The following LYG1 variants were observed in gnomAD, a reference collection of about 807,000 sequenced individuals.
LYG1 encodes lysozyme g1.
LYG1 carries 17 observed loss-of-function variants against 21.7 expected under a neutral mutation model. The ratio of observed to expected loss-of-function variants is 0.78; its 90% CI spans 0.54 to 1.18. The LOEUF (loss-of-function observed/expected upper bound fraction) is 1.18. Among genes scored for constraint, LYG1 ranks in the 50% most tolerant of loss-of-function variants. LYG1 has a pLI of 0.00. For synonymous variants in LYG1, 81 were observed against 87.4 expected (o/e 0.93, Z 0.41); for missense variants, 211 against 238.1 (o/e 0.89, Z 0.75).
Position 99,292,557 on chromosome 2 carries a change from G to A in LYG1, c.127C>T (p.Arg43Cys), listed in dbSNP as rs149258901. ...CTACCACAGTAGTTCAGGCCGTGAC[G>A]TCTTCCAATCCCACAAGATGCTCCA... ...TPGASCGIGR[R>C]HGLNYCGVRA... The change falls in exon 4 of 7, where the codon CGT (arginine) becomes TGT (cysteine). Residue 43 changes from arginine to cysteine, a missense_variant. By Grantham distance (180) the Arg-to-Cys change is radical (BLOSUM62 -3). Coordinates refer to ENST00000308528, the MANE Select transcript of LYG1 (RefSeq NM_174898.3). The A allele has an allele frequency of 2.7e-4, 440 of 1,613,912 alleles. 2 individuals carry two copies. The highest frequency in any genetic ancestry group is 1.4e-3 in the South Asian group (123 of 91,080).
upstream of LYG1, among the ~76,000 whole-genome samples, chr2:99,303,444 C>T (rs897124684): frequency 2.6e-5 from 4 of 152,096 alleles, no homozygotes; most frequent in Non-Finnish European, 5.9e-5. Flanking sequence ...TCCACAGAGA[C>T]GAAATGGCTT....
Position 99,297,902 on chromosome 2 carries a change from AATG to A in LYG1, c.-33+554_-33+556del, listed in dbSNP as rs567414917. Among the ~76,000 whole-genome samples the A allele has an allele frequency of 2.2e-4, 33 of 152,188 alleles. 1 individual carries two copies. The highest frequency in any genetic ancestry group is 1.9e-3 in the Admixed American group (29 of 15,280). On this transcript the variant is annotated intron_variant, in intron 2 of 6. Transcript: ENST00000308528. Reference sequence around the variant, plus strand: ...GATAATTTTTTAGTTTTTATGTAGAAATGGGTCTCACTATGTTGCCCAGGCTGG... The same window carrying A: ...GATAATTTTTTAGTTTTTATGTAGAAGGTCTCACTATGTTGCCCAGGCTGG...
At chr2:99,304,348 T>C (rs1208560688), upstream of LYG1, among the ~76,000 whole-genome samples, 4 of 152,220 alleles carry the variant, frequency 2.6e-5, no homozygotes. Context: ...TCTGCTGCCA[T>C]GTGAGACATG....
At chr2:99,299,068 A>G (rs1293505725) in intron 1 of LYG1, among the ~76,000 whole-genome samples, 1 of 151,718 alleles carries the variant, frequency 6.6e-6, no homozygotes, top group Non-Finnish European at 1.5e-5. Context: ...AGTAGCTGAG[A>G]CTACAGGCAC....
intron 3 of LYG1, among the ~76,000 whole-genome samples, chr2:99,294,389 T>C (rs1190714809): frequency 2.6e-5 from 4 of 152,208 alleles, no homozygotes; most frequent in Non-Finnish European, 5.9e-5. Flanking sequence ...GGTTGATAAA[T>C]ACTCGTCTTT....
chr2:99,293,180 C>T (rs1007572243), intron 3 of LYG1, among the ~76,000 whole-genome samples: 1 of 151,818 alleles, frequency 6.6e-6, no homozygotes, highest in Non-Finnish European at 1.5e-5. Flanking sequence ...TTAGTAGAGA[C>T]GAGGTTTCAC....
intron 1 of LYG1, among the ~76,000 whole-genome samples, chr2:99,300,569 G>T (rs959887760): frequency 1.3e-4 from 20 of 152,212 alleles, no homozygotes; most frequent in Non-Finnish European, 2.4e-4. Flanking sequence ...AGCTTGCAGA[G>T]AAAATAAGAT....
intron 5 of LYG1, among the ~76,000 whole-genome samples, chr2:99,286,714 CAAATT>C (rs944604543): frequency 6.6e-6 from 1 of 151,938 alleles, no homozygotes; most frequent in African/African-American, 2.4e-5. Context: ...AAAAATAAAA[CAAATT>C]AAAGTAAAAA....
chr2:99,284,512 C>G lies in LYG1; in HGVS notation c.467-1G>C. On this transcript the variant is annotated splice_acceptor_variant, in intron 6 of 6. Coordinates refer to ENST00000308528, the MANE Select transcript of LYG1 (RefSeq NM_174898.3). LOFTEE classifies it high-confidence loss of function. ...CCCCCACTGTAGGCACAGAGTCCAC[C>G]TGAAATGCATGAGATAGGTTAATGC... 1 of 1,613,918 alleles carries G rather than the reference C, an allele frequency of 6.2e-7. No individual in the cohort carries two copies. Among genetic ancestry groups the G allele is most frequent in the Non-Finnish European group, 8.5e-7 (1 of 1,179,866 alleles).
chr2:99,295,746 A>G, intron 2 of LYG1, 44 bp from the exon 3 acceptor site: 1 of 1,559,690 alleles, frequency 6.4e-7, no homozygotes, highest in Non-Finnish European at 8.8e-7. Flanking sequence ...AATATCAGTC[A>G]TCATCATAAC....
At chr2:99,286,330 A>G (rs1249611329) in intron 5 of LYG1, among the ~76,000 whole-genome samples, 2 of 152,250 alleles carry the variant, frequency 1.3e-5, no homozygotes, top group African/African-American at 4.8e-5. Flanking sequence ...AACTGAAATC[A>G]TTGTACATTG....
intron 5 of LYG1, among the ~76,000 whole-genome samples, chr2:99,286,667 A>G (rs1446511978): frequency 6.6e-6 from 1 of 152,228 alleles, no homozygotes; most frequent in Non-Finnish European, 1.5e-5. Flanking sequence ...TAATGCCATT[A>G]TACTTCAGCC....
chr2:99,297,486 G>A (rs571984626), intron 2 of LYG1, among the ~76,000 whole-genome samples: 1 of 152,198 alleles, frequency 6.6e-6, no homozygotes, highest in East Asian at 1.9e-4. Flanking sequence ...ACTTCCTCTT[G>A]GAAACCCAAG....
chr2:99,300,081 CT>C (rs11355267), intron 1 of LYG1, among the ~76,000 whole-genome samples: 56,826 of 149,054 alleles, frequency 0.38, 11,297 homozygotes, highest in East Asian at 0.63. Flanking sequence ...CCACTAAGAT[CT>C]TTTTTTTTTT....
upstream of LYG1, among the ~76,000 whole-genome samples, chr2:99,301,851 T>A (rs544481511): frequency 2.7e-5 from 4 of 149,466 alleles, no homozygotes; most frequent in South Asian, 8.5e-4. Flanking sequence ...ATCGGCTGGA[T>A]GATGCTATTT....
At chr2:99,300,665 G>A (rs1322598836) in intron 1 of LYG1, among the ~76,000 whole-genome samples, 1 of 150,524 alleles carries the variant, frequency 6.6e-6, no homozygotes, top group African/African-American at 2.5e-5. Flanking sequence ...TTTACCGTCT[G>A]GCAAAATACA....
chr2:99,291,534 CA>C, intron 4 of LYG1, 113 bp from the exon 5 acceptor site: 1 of 1,212,318 alleles, frequency 8.2e-7, no homozygotes, highest in Non-Finnish European at 1.2e-6. Context: ...CGAGGACTGA[CA>C]ATCCCAGATT....
At chr2:99,301,475 GGGAAGGAAGAAAGAAAAGGAA>G (rs1430286216), upstream of LYG1, among the ~76,000 whole-genome samples, 1 of 75,896 alleles carries the variant, frequency 1.3e-5, no homozygotes. Context: ...AAGGGAGGAA[GGGAAGGAAGAAAGAAAAGGAA>G]GAAGGAAGGA....
Position 99,284,731 on chromosome 2 carries a change from G to A in LYG1, c.423C>T (p.Ile141=), listed in dbSNP as rs1423296843. The part of the protein sequence containing the change: ...TEVLTTRIKE[I]QRRFPTWTPD... ...GGGTCCAGGTTGGAAACCTCCTCTG[G>A]ATTTCTTTGATTCTAGTAGTCAGAA... is the stretch of plus-strand genomic sequence containing the variant. Residue 141 remains isoleucine (I), a synonymous_variant, in exon 6 of 7, where the codon ATC becomes ATT. Coordinates refer to ENST00000308528, the MANE Select transcript of LYG1 (RefSeq NM_174898.3). 8.7e-6 allele frequency: 14 copies of A among 1,614,012 alleles called. No homozygotes were observed. The East Asian group carries it at 3.1e-4, about 36-fold the overall frequency.
Sources: gnomAD v4.1 joint callset for allele counts (sites outside exome capture counted in the v4.1 genomes callset) on GRCh38, gnomAD v4.1.1 for gene constraint, MANE v1.5 for transcripts, NCBI Gene and HGNC (gene_info 2026-07-23, HGNC 2026-07-21) for gene names.